Variants in NDUFAF6 observed in about 807,000 individuals in gnomAD.
The protein encoded by NDUFAF6 is NADH:ubiquinone oxidoreductase complex assembly factor 6, also known as NADH dehydrogenase (ubiquinone) complex I, assembly factor 6.
NDUFAF6 carries 45 observed loss-of-function variants against 40.8 expected under a neutral mutation model. That is an observed-to-expected ratio of 1.10 (90% confidence interval 0.87 to 1.42). NDUFAF6 has a LOEUF of 1.42. Among genes scored for constraint, NDUFAF6 ranks in the 40% most tolerant of loss-of-function variants. The pLI is 0.00. For missense variants in NDUFAF6, 435 were observed against 418.5 expected (o/e 1.04, Z -0.34); for synonymous variants, 185 against 155.9 (o/e 1.19, Z -1.39).
Position 94,930,645 on chromosome 8 carries a change from G to A in NDUFAF6, c.-935-14838G>A, listed in dbSNP as rs1820304485. ...CCACTGGGAAGGGCGAAAGCTCTTG[G>A]GTTGTTCCAGAAAAGTTGTATGAGC... On this transcript the variant is annotated intron_variant, in intron 1 of 14. Transcript: ENST00000396113. The A allele has an allele frequency of 1.9e-6, 3 of 1,614,166 alleles. No individual in the cohort carries two copies. The African/African-American group carries it at 4.0e-5, about 22-fold the overall frequency.
intron 1 of NDUFAF6, chr8:94,926,448 A>G (rs1358894403): frequency 1.3e-5 from 2 of 150,840 alleles, no homozygotes; most frequent in African/African-American, 4.9e-5. Flanking sequence ...CGCAATTATT[A>G]AAGTTCAAAA....
chr8:94,966,213 G>A (rs548735601), intron 1 of NDUFAF6, among the ~76,000 whole-genome samples: 5 of 152,240 alleles, frequency 3.3e-5, no homozygotes, highest in African/African-American at 7.2e-5. Flanking sequence ...GAGAGCATGC[G>A]GGGGAAAGAG....
At chr8:95,058,910 G>A (rs567291515), downstream of NDUFAF6, among the ~76,000 whole-genome samples, 5 of 152,252 alleles carry the variant, frequency 3.3e-5, 1 homozygote, top group African/African-American at 1.2e-4. Flanking sequence ...AACTAGCCAG[G>A]TGTGGTGGTG....
intron 2 of NDUFAF6, among the ~76,000 whole-genome samples, chr8:95,003,827 A>G (rs1460468481): frequency 2.6e-5 from 4 of 152,212 alleles, no homozygotes; most frequent in African/African-American, 9.6e-5. Context: ...TTGTGATTTT[A>G]ACCATTTTAA....
At chr8:95,018,627 A>G (rs1477585138) in intron 2 of NDUFAF6, among the ~76,000 whole-genome samples, 2 of 152,182 alleles carry the variant, frequency 1.3e-5, no homozygotes, top group African/African-American at 4.8e-5. Flanking sequence ...CAACCCAGAC[A>G]TTGGGATAAA....
chr8:95,047,803 C>T (rs1168678737), intron 6 of NDUFAF6, among the ~76,000 whole-genome samples: 1 of 152,034 alleles, frequency 6.6e-6, no homozygotes, highest in African/African-American at 2.4e-5. Flanking sequence ...GCCACTGCGC[C>T]CGGCGAGAAC....
At chr8:94,937,781 G>A (rs1487115215) in intron 1 of NDUFAF6, among the ~76,000 whole-genome samples, 1 of 152,074 alleles carries the variant, frequency 6.6e-6, no homozygotes, top group Non-Finnish European at 1.5e-5. Flanking sequence ...TCTTATGGGG[G>A]TTACCTAGAC....
intron 1 of NDUFAF6, among the ~76,000 whole-genome samples, chr8:94,902,084 C>T (rs1818056366): frequency 6.6e-6 from 1 of 151,986 alleles, no homozygotes; most frequent in Non-Finnish European, 1.5e-5. Flanking sequence ...CAGTACATGT[C>T]TCCCTAAGTA....
At chr8:95,080,049 G>A (rs1286800808), downstream of NDUFAF6, among the ~76,000 whole-genome samples, 2 of 81,672 alleles carry the variant, frequency 2.4e-5, 1 homozygote, top group Non-Finnish European at 4.7e-5. Context: ...TTTTTGTAGT[G>A]ATTTTTTGTA....
intron 1 of NDUFAF6, among the ~76,000 whole-genome samples, chr8:94,905,198 GA>G (rs537000535): frequency 1.3e-5 from 2 of 150,556 alleles, no homozygotes; most frequent in Admixed American, 6.6e-5. Context: ...TATGTCTCAA[GA>G]AAAAAAAATT....
At chr8:95,006,749 G>A (rs1168205484) in intron 2 of NDUFAF6, among the ~76,000 whole-genome samples, 1 of 152,140 alleles carries the variant, frequency 6.6e-6, no homozygotes, top group Admixed American at 6.6e-5. Flanking sequence ...GTGTAGTGGT[G>A]CACGCCTGCA....
At chr8:94,953,415 A>G (rs988675830), upstream of NDUFAF6, among the ~76,000 whole-genome samples, 1 of 152,134 alleles carries the variant, frequency 6.6e-6, no homozygotes, top group Admixed American at 6.5e-5. Flanking sequence ...GATATGGTCT[A>G]GAGACATGAT....
downstream of NDUFAF6, among the ~76,000 whole-genome samples, chr8:95,079,461 T>A (rs1197118773): frequency 1.3e-5 from 2 of 152,210 alleles, no homozygotes; most frequent in Non-Finnish European, 2.9e-5. Context: ...GTTGCTTTGA[T>A]CAGAGAGCTC....
intron 1 of NDUFAF6, among the ~76,000 whole-genome samples, chr8:94,921,634 C>T (rs1819508479): frequency 1.3e-5 from 2 of 152,150 alleles, no homozygotes; most frequent in African/African-American, 4.8e-5. Context: ...CTATACAATG[C>T]CTTCTCTACT....
downstream of NDUFAF6, among the ~76,000 whole-genome samples, chr8:95,059,713 G>A (rs915707822): frequency 1.3e-5 from 2 of 152,184 alleles, no homozygotes; most frequent in African/African-American, 2.4e-5. Flanking sequence ...GCCAGGTGTT[G>A]TGGTGGGAGC....
At chr8:94,978,713 C>T (rs113610759) in intron 1 of NDUFAF6, among the ~76,000 whole-genome samples, 1 of 147,678 alleles carries the variant, frequency 6.8e-6, no homozygotes, top group African/African-American at 2.5e-5. Context: ...GACCCTGTCT[C>T]AAAAAAAGAA....
At chr8:94,973,068 C>G (rs1824608751) in intron 1 of NDUFAF6, among the ~76,000 whole-genome samples, 1 of 151,908 alleles carries the variant, frequency 6.6e-6, no homozygotes, top group African/African-American at 2.4e-5. Context: ...CAGAACAAGA[C>G]TCTGTCTCTA....
chr8:94,934,661 T>C (rs975460012), intron 1 of NDUFAF6, among the ~76,000 whole-genome samples: 3 of 152,182 alleles, frequency 2.0e-5, no homozygotes, highest in African/African-American at 7.2e-5. Flanking sequence ...ATTACAGGTG[T>C]AAGCCACTGC....
downstream of NDUFAF6, among the ~76,000 whole-genome samples, chr8:95,106,119 CAA>C (rs1809836064): frequency 6.6e-6 from 1 of 151,704 alleles, no homozygotes; most frequent in Admixed American, 6.6e-5. Flanking sequence ...ACTAAAAATA[CAA>C]AAAATTAGCC....
Sources: gnomAD v4.1 joint callset for allele counts (sites outside exome capture counted in the v4.1 genomes callset) on GRCh38, gnomAD v4.1.1 for gene constraint, MANE v1.5 for transcripts, NCBI Gene and HGNC (gene_info 2026-07-23, HGNC 2026-07-21) for gene names.